The following LRP1B variants were observed in gnomAD, a reference collection of about 807,000 sequenced individuals.
LRP1B encodes the protein LDL receptor related protein 1B, also known as low-density lipoprotein receptor-related protein 1B.
A neutral mutation model predicts 556.6 loss-of-function variants in LRP1B; 217 were observed. The ratio of observed to expected loss-of-function variants is 0.39; its 90% CI spans 0.35 to 0.44. The LOEUF (loss-of-function observed/expected upper bound fraction) is 0.44. LRP1B is among the 20% of genes least tolerant of loss of function. LRP1B has a pLI of 1.00. For synonymous variants in LRP1B, 2,047 were observed against 1,865.8 expected (o/e 1.10, Z -2.50); for missense variants, 5,053 against 5,620.8 (o/e 0.90, Z 3.23).
chr2:140,873,591 C>T (rs887782090), intron 25 of LRP1B, among the ~76,000 whole-genome samples: 22 of 151,958 alleles, frequency 1.4e-4, no homozygotes, highest in African/African-American at 4.6e-4. Flanking sequence ...TATAATTTTG[C>T]AATGGTAGTT....
chr2:141,272,282 T>C (rs1170995899), intron 3 of LRP1B, among the ~76,000 whole-genome samples: 2 of 152,090 alleles, frequency 1.3e-5, no homozygotes, highest in African/African-American at 4.8e-5. Flanking sequence ...AGATATATCT[T>C]GTATTACTTA....
chr2:141,421,331 AT>A (rs1315634606), intron 3 of LRP1B, among the ~76,000 whole-genome samples: 1 of 152,030 alleles, frequency 6.6e-6, no homozygotes. Context: ...GATCGAGACC[AT>A]CCCGGCTAAA....
At chr2:140,865,528 C>A (rs1460974214) in intron 27 of LRP1B, among the ~76,000 whole-genome samples, 1 of 151,808 alleles carries the variant, frequency 6.6e-6, no homozygotes, top group African/African-American at 2.4e-5. Flanking sequence ...TTTTCCCTAG[C>A]AGTGGAAGTG....
chr2:140,741,060 T>C (rs1688120999), intron 35 of LRP1B, among the ~76,000 whole-genome samples: 1 of 152,152 alleles, frequency 6.6e-6, no homozygotes, highest in Non-Finnish European at 1.5e-5. Flanking sequence ...GCAAATAACT[T>C]TAAATTACAA....
intron 18 of LRP1B, among the ~76,000 whole-genome samples, chr2:140,957,105 C>G (rs1481174958): frequency 6.6e-6 from 1 of 151,566 alleles, no homozygotes; most frequent in Admixed American, 6.6e-5. Flanking sequence ...TAATAAATAT[C>G]TGATAGATGT....
intron 2 of LRP1B, among the ~76,000 whole-genome samples, chr2:141,556,990 G>A (rs1050262811): frequency 6.6e-6 from 1 of 151,658 alleles, no homozygotes; most frequent in Non-Finnish European, 1.5e-5. Context: ...CCAGAGGATT[G>A]GATGTAAATA....
intron 2 of LRP1B, among the ~76,000 whole-genome samples, chr2:141,749,429 G>A (rs897090557): frequency 3.3e-5 from 5 of 152,070 alleles, no homozygotes; most frequent in Non-Finnish European, 5.9e-5. Context: ...CCTGAGGCCT[G>A]TTTTCACCCA....
intron 86 of LRP1B, among the ~76,000 whole-genome samples, chr2:140,252,383 T>C (rs1681475590): frequency 6.6e-6 from 1 of 151,946 alleles, no homozygotes; most frequent in South Asian, 2.1e-4. Context: ...GGTACTTTCA[T>C]ATAAAAATGT....
chr2:141,032,233 G>A lies in LRP1B; in HGVS notation c.1790-12131C>T, dbSNP rs942927637. On this transcript the variant is annotated intron_variant, in intron 11 of 90. Transcript: ENST00000389484. ...ATAGCTCTACCTCATTCATTTTAAC[G>A]GCTACTTAATATTATTGCTAACATA... Among the ~76,000 whole-genome samples, 9 of 151,784 alleles carry A rather than the reference G, an allele frequency of 5.9e-5. No individual in the cohort carries two copies. The South Asian group carries it at 1.0e-3, about 18-fold the overall frequency.
At chr2:141,623,531 T>C (rs1179310690) in intron 2 of LRP1B, among the ~76,000 whole-genome samples, 1 of 152,168 alleles carries the variant, frequency 6.6e-6, no homozygotes, top group Admixed American at 6.5e-5. Flanking sequence ...TCTCAAGATA[T>C]AGGTTTTATA....
chr2:140,734,678 C>T (rs1466807981), intron 35 of LRP1B, among the ~76,000 whole-genome samples: 2 of 152,086 alleles, frequency 1.3e-5, no homozygotes, highest in Non-Finnish European at 2.9e-5. Context: ...GACAGATGGT[C>T]CCAGCTTCTG....
chr2:140,323,772 G>GT (rs1215256273), intron 81 of LRP1B, 121 bp downstream of exon 81: 1 of 457,448 alleles, frequency 2.2e-6, no homozygotes, highest in Non-Finnish European at 3.8e-6. Context: ...CAAAATTAAA[G>GT]TTACTTAAGT....
At chr2:141,396,499 G>A (rs960087855) in intron 3 of LRP1B, among the ~76,000 whole-genome samples, 1 of 152,028 alleles carries the variant, frequency 6.6e-6, no homozygotes, top group Non-Finnish European at 1.5e-5. Flanking sequence ...TATAGATAAA[G>A]CCAATGATAA....
At chr2:141,718,655 C>G (rs10190295) in intron 2 of LRP1B, among the ~76,000 whole-genome samples, 1 of 151,906 alleles carries the variant, frequency 6.6e-6, no homozygotes, top group African/African-American at 2.4e-5. Context: ...TTATGTTTTA[C>G]GTACTACAGC....
intron 3 of LRP1B, among the ~76,000 whole-genome samples, chr2:141,320,283 A>G (rs1207850168): frequency 1.3e-5 from 2 of 152,094 alleles, no homozygotes; most frequent in Non-Finnish European, 2.9e-5. Context: ...TAGTCTTATA[A>G]TTAGATTTTC....
intron 3 of LRP1B, among the ~76,000 whole-genome samples, chr2:141,273,337 C>T (rs1685160276): frequency 6.6e-6 from 1 of 151,472 alleles, no homozygotes. Flanking sequence ...AAACGTACTA[C>T]AAATCTATAA....
chr2:140,883,074 C>A (rs933367055), intron 25 of LRP1B, among the ~76,000 whole-genome samples: 2 of 152,092 alleles, frequency 1.3e-5, no homozygotes, highest in Non-Finnish European at 2.9e-5. Context: ...TGTTATTATC[C>A]CCAATTCATA....
At chr2:140,723,690 T>C (rs2105480108) in intron 35 of LRP1B, among the ~76,000 whole-genome samples, 1 of 152,356 alleles carries the variant, frequency 6.6e-6, no homozygotes, top group South Asian at 2.1e-4. Flanking sequence ...TTATCTCTTG[T>C]TGCCATATGG....
chr2:140,430,013 T>A (rs1410339011), intron 66 of LRP1B, among the ~76,000 whole-genome samples: 1 of 152,162 alleles, frequency 6.6e-6, no homozygotes, highest in African/African-American at 2.4e-5. Flanking sequence ...TTATTCCTGA[T>A]ACCACACCTG....
Sources: allele counts gnomAD v4.1 joint callset (sites outside exome capture counted in the v4.1 genomes callset), GRCh38; gene constraint gnomAD v4.1.1; transcripts MANE v1.5; gene names NCBI Gene and HGNC (gene_info 2026-07-23, HGNC 2026-07-21).